KCNH7: variants seen among roughly 807,000 people sequenced by gnomAD.
The protein encoded by KCNH7 is potassium voltage-gated channel subfamily H member 7, also known as voltage-gated inwardly rectifying potassium channel KCNH7.
A neutral mutation model predicts 120.8 loss-of-function variants in KCNH7; 49 were observed. That is an observed-to-expected ratio of 0.41 (90% CI 0.32 to 0.51). KCNH7 has a LOEUF of 0.51. KCNH7 is among the 20% of genes least tolerant of loss of function. KCNH7 has a pLI of 0.38. For synonymous variants in KCNH7, 547 were observed against 516.1 expected (o/e 1.06, Z -0.81); for missense variants, 1,097 against 1,446.6 (o/e 0.76, Z 3.92).
At chr2:162,638,644 T>C (rs1157336161) in intron 2 of KCNH7, among the ~76,000 whole-genome samples, 1 of 152,114 alleles carries the variant, frequency 6.6e-6, no homozygotes, top group Admixed American at 6.6e-5. Context: ...ATCAGCAATA[T>C]GTACTAGAAA....
At chr2:162,638,213 C>T (rs1201373538) in intron 2 of KCNH7, among the ~76,000 whole-genome samples, 1 of 151,998 alleles carries the variant, frequency 6.6e-6, no homozygotes. Flanking sequence ...ACAAAACTCA[C>T]GAGAAGACAA....
Position 162,747,238 on chromosome 2 carries a change from G to C in KCNH7, c.307+89299C>G, listed in dbSNP as rs566414485. Reference sequence around the variant, plus strand: ...CATCTGGTGTGAACAGCAGTTGAATGAGTAAGAAAACTGTGAATCTTAAAA... The same window carrying C: ...CATCTGGTGTGAACAGCAGTTGAATCAGTAAGAAAACTGTGAATCTTAAAA... On this transcript the variant is annotated intron_variant, in intron 2 of 15. Coordinates refer to ENST00000332142, the MANE Select transcript of KCNH7 (RefSeq NM_033272.4). 3.3e-5 allele frequency among the ~76,000 whole-genome samples: 5 copies of C among 152,222 alleles called. No homozygotes were observed. In the South Asian group the frequency reaches 1.0e-3, roughly 32 times the overall value.
At chr2:162,556,255 C>G (rs1692853158) in intron 2 of KCNH7, among the ~76,000 whole-genome samples, 1 of 152,080 alleles carries the variant, frequency 6.6e-6, no homozygotes, top group African/African-American at 2.4e-5. Context: ...ATTCCAGGCT[C>G]TGTTCTAAGT....
intron 2 of KCNH7, among the ~76,000 whole-genome samples, chr2:162,667,742 C>T (rs1342299673): frequency 6.6e-6 from 1 of 152,152 alleles, no homozygotes; most frequent in Non-Finnish European, 1.5e-5. Flanking sequence ...TCCACTACAT[C>T]ACCTTGCTTT....
intron 2 of KCNH7, among the ~76,000 whole-genome samples, chr2:162,566,865 C>T (rs1053256627): frequency 2.6e-5 from 4 of 152,000 alleles, no homozygotes; most frequent in Non-Finnish European, 5.9e-5. Context: ...AACCATTCCA[C>T]CTGGATGGGT....
At chr2:162,457,892 C>G (rs566942435) in intron 6 of KCNH7, among the ~76,000 whole-genome samples, 1 of 152,188 alleles carries the variant, frequency 6.6e-6, no homozygotes, top group South Asian at 2.1e-4. Flanking sequence ...ACAGCCAAAC[C>G]TGAGTAATTA....
chr2:162,824,102 A>G (rs1685206444), intron 2 of KCNH7, among the ~76,000 whole-genome samples: 1 of 152,184 alleles, frequency 6.6e-6, no homozygotes, highest in Non-Finnish European at 1.5e-5. Context: ...GATATTTTCA[A>G]AAAGTTTAGA....
chr2:162,789,576 A>G (rs1488989259), intron 2 of KCNH7, among the ~76,000 whole-genome samples: 2 of 152,034 alleles, frequency 1.3e-5, no homozygotes, highest in African/African-American at 4.8e-5. Flanking sequence ...TCTAGCACAC[A>G]TAGAATGTTA....
intron 2 of KCNH7, among the ~76,000 whole-genome samples, chr2:162,653,637 T>C (rs956624592): frequency 2.0e-5 from 3 of 152,014 alleles, no homozygotes; most frequent in African/African-American, 4.8e-5. Flanking sequence ...TTCACAGAAG[T>C]GGAAAAAAAA....
chr2:162,755,873 C>T (rs1688771150), intron 2 of KCNH7, among the ~76,000 whole-genome samples: 1 of 152,014 alleles, frequency 6.6e-6, no homozygotes, highest in Non-Finnish European at 1.5e-5. Flanking sequence ...AGGAAGAAAT[C>T]TAGAAGTGGT....
At chr2:162,558,503 C>CTTTTTTTTT (rs71410015) in intron 2 of KCNH7, among the ~76,000 whole-genome samples, 3 of 80,696 alleles carry the variant, frequency 3.7e-5, no homozygotes, top group African/African-American at 9.7e-5. Context: ...TTCTCAATGG[C>CTTTTTTTTT]TTTTTTTTTT....
At chr2:162,820,487 T>C (rs958630909) in intron 2 of KCNH7, among the ~76,000 whole-genome samples, 4 of 151,750 alleles carry the variant, frequency 2.6e-5, no homozygotes, top group African/African-American at 9.7e-5. Flanking sequence ...CCATTGACTT[T>C]GCCTGCATCT....
intron 2 of KCNH7, among the ~76,000 whole-genome samples, chr2:162,610,196 A>G (rs1574165733): frequency 6.6e-6 from 1 of 152,218 alleles, no homozygotes; most frequent in Admixed American, 6.5e-5. Flanking sequence ...ACTTTTTGAA[A>G]AAGTACATTA....
intron 6 of KCNH7, among the ~76,000 whole-genome samples, chr2:162,477,082 A>G (rs1689769104): frequency 6.6e-6 from 1 of 152,246 alleles, no homozygotes; most frequent in Non-Finnish European, 1.5e-5. Flanking sequence ...ATTTTTAAAG[A>G]TAAATTTCCT....
chr2:162,550,796 G>T lies in KCNH7; in HGVS notation c.308-13716C>A, dbSNP rs114505103. Among the ~76,000 whole-genome samples, 599 of 151,932 alleles carry T rather than the reference G, an allele frequency of 3.9e-3. 8 individuals carry two copies. The highest frequency in any genetic ancestry group is 0.014 in the African/African-American group (573 of 41,412). ...TGGAATTTTGGTAAGCAGGCATTCC[G>T]TATTTAAAGAATAAAAATGTGGCAA... On this transcript the variant is annotated intron_variant, in intron 2 of 15. Coordinates refer to ENST00000332142, the MANE Select transcript of KCNH7 (RefSeq NM_033272.4).
intron 14 of KCNH7, among the ~76,000 whole-genome samples, chr2:162,377,495 A>G (rs1441335144): frequency 2.0e-5 from 3 of 152,188 alleles, no homozygotes; most frequent in Non-Finnish European, 4.4e-5. Context: ...AGGACTACAT[A>G]ATTGTTTTGA....
chr2:162,389,710 C>A (rs1686685550), intron 12 of KCNH7, among the ~76,000 whole-genome samples: 1 of 152,010 alleles, frequency 6.6e-6, no homozygotes, highest in Non-Finnish European at 1.5e-5. Context: ...CGCAATAAAA[C>A]CAATAGAGTA....
intron 9 of KCNH7, among the ~76,000 whole-genome samples, chr2:162,417,807 A>G (rs1202083645): frequency 6.6e-6 from 1 of 152,184 alleles, no homozygotes; most frequent in East Asian, 1.9e-4. Context: ...ATGAACATGT[A>G]CCATTTGTGA....
At chr2:162,504,301 C>T (rs1293484733) in intron 6 of KCNH7, 142 bp downstream of exon 6, 1 of 640,310 alleles carries the variant, frequency 1.6e-6, no homozygotes, top group African/African-American at 1.8e-5. Context: ...TAGAGAGTTA[C>T]CCAACATCTC....
Sources: gnomAD v4.1 joint callset for allele counts (sites outside exome capture counted in the v4.1 genomes callset) on GRCh38, gnomAD v4.1.1 for gene constraint, MANE v1.5 for transcripts, NCBI Gene and HGNC (gene_info 2026-07-23, HGNC 2026-07-21) for gene names.